Variants in EFCAB5 observed in about 807,000 individuals in gnomAD.
EFCAB5 encodes the protein EF-hand calcium-binding domain-containing protein 5.
A neutral mutation model predicts 167.9 loss-of-function variants in EFCAB5; 131 were observed. That is an observed-to-expected ratio of 0.78 (90% CI 0.68 to 0.90). The LOEUF is 0.90. Among genes scored for constraint, EFCAB5 ranks in the 40% least tolerant of loss-of-function variants. The probability of loss-of-function intolerance (pLI) is 0.00; values close to 1 mark genes in which losing one functional copy is unlikely to be tolerated. For missense variants in EFCAB5, 1,663 were observed against 1,745.2 expected, an observed-to-expected ratio of 0.95 and a Z score of 0.84; for synonymous variants, 574 against 602.8, an observed-to-expected ratio of 0.95 and a Z score of 0.70.
At chr17:29,941,028 A>G (rs912050161), upstream of EFCAB5, among the ~76,000 whole-genome samples, 3 of 151,834 alleles carry the variant, frequency 2.0e-5, no homozygotes, top group African/African-American at 7.3e-5. Context: ...CGACAGAATG[A>G]GACTCTGTAA....
intron 4 of EFCAB5, among the ~76,000 whole-genome samples, chr17:29,976,052 G>T (rs147093873): frequency 1.3e-5 from 2 of 152,146 alleles, no homozygotes; most frequent in African/African-American, 4.8e-5. Context: ...TTCTTGCAGT[G>T]CAATAAATTA....
chr17:30,069,583 C>G, intron 14 of EFCAB5: 2 of 1,613,334 alleles, frequency 1.2e-6, no homozygotes, highest in Non-Finnish European at 1.7e-6. Context: ...TCCTCTTCTT[C>G]CTCGTGATGT....
At chr17:30,059,416 A>G in intron 13 of EFCAB5, 129 bp from the exon 14 acceptor site, 1 of 1,028,088 alleles carries the variant, frequency 9.7e-7, no homozygotes, top group Non-Finnish European at 1.4e-6. Context: ...TTCCCTTAAT[A>G]TCATGCTTAG....
chr17:30,036,167 A>T (rs1427088130), intron 8 of EFCAB5, among the ~76,000 whole-genome samples: 2 of 138,888 alleles, frequency 1.4e-5, no homozygotes, highest in Non-Finnish European at 3.1e-5. Context: ...TATTATATAT[A>T]ATATAATATA....
At chr17:30,083,138 TTAGTC>T in intron 18 of EFCAB5, 95 bp downstream of exon 18, 1 of 1,421,420 alleles carries the variant, frequency 7.0e-7, no homozygotes, top group Non-Finnish European at 9.4e-7. Flanking sequence ...TAATTAGCTA[TTAGTC>T]TAAAGGAAGA....
chr17:30,051,166 T>G lies in EFCAB5; in HGVS notation c.1249T>G (p.Tyr417Asp). 1.2e-6 allele frequency: 2 copies of G among 1,614,044 alleles called. No individual in the cohort carries two copies. The highest frequency in any genetic ancestry group is 2.2e-5 in the South Asian group (2 of 91,088). The stretch of plus-strand genomic sequence containing the variant: ...GACATTGGCCCTGCTGGAATTGTTC[T>G]ATGACCATAGTTCACAAATGCTTAG... The part of the protein sequence containing the change: ...QRTLALLELF[Y>D]DHSSQMLRSL... The change falls in exon 9 of 23, where the codon TAT (tyrosine) becomes GAT (aspartate). Residue 417 changes from tyrosine (Y) to aspartate (D), a missense_variant. By Grantham distance (160) the Tyr-to-Asp change is radical. Coordinates refer to ENST00000394835, the MANE Select transcript of EFCAB5 (RefSeq NM_198529.4).
chr17:30,049,602 A>T (rs1023626242), intron 8 of EFCAB5, among the ~76,000 whole-genome samples: 1 of 152,240 alleles, frequency 6.6e-6, no homozygotes, highest in African/African-American at 2.4e-5. Context: ...ACCCATACAT[A>T]TAATAAGCAC....
intron 7 of EFCAB5, chr17:30,032,042 A>C (rs1461795233): frequency 2.6e-5 from 4 of 152,190 alleles, no homozygotes; most frequent in Non-Finnish European, 4.4e-5. Context: ...GTCTCTAAAA[A>C]AATAAAAATA....
At chr17:29,986,130 G>A (rs2068277216) in intron 4 of EFCAB5, among the ~76,000 whole-genome samples, 1 of 152,174 alleles carries the variant, frequency 6.6e-6, no homozygotes, top group African/African-American at 2.4e-5. Flanking sequence ...TGGCATTAAG[G>A]TCAGGTGTGT....
chr17:29,929,979 G>T (rs2151499325), intron 1 of EFCAB5: 1 of 1,603,482 alleles, frequency 6.2e-7, no homozygotes, highest in South Asian at 1.1e-5. Flanking sequence ...GTAGGTGACC[G>T]CTGGACCGTG....
At chr17:30,067,095 A>T (rs1341798150) in intron 14 of EFCAB5, among the ~76,000 whole-genome samples, 1 of 152,226 alleles carries the variant, frequency 6.6e-6, no homozygotes, top group African/African-American at 2.4e-5. Context: ...AGATTATCTG[A>T]TATCAGTTCT....
chr17:29,998,150 T>C (rs2068586449), intron 6 of EFCAB5, among the ~76,000 whole-genome samples: 2 of 152,184 alleles, frequency 1.3e-5, no homozygotes, highest in African/African-American at 4.8e-5. Flanking sequence ...ATTTGGGCCT[T>C]ACTGATAACC....
intron 8 of EFCAB5, among the ~76,000 whole-genome samples, chr17:30,040,146 C>T (rs551220285): frequency 1.2e-4 from 18 of 152,318 alleles, no homozygotes; most frequent in African/African-American, 4.3e-4. Context: ...TGCATGGTAG[C>T]TCTTTCTCAA....
At chr17:30,072,978 A>C (rs143509567) in intron 14 of EFCAB5, 52 of 496,720 alleles carry the variant, frequency 1.0e-4, no homozygotes, top group African/African-American at 9.6e-4. Flanking sequence ...TTTGATACTC[A>C]TATTGTCCCA....
At chr17:29,970,595 A>G (rs1260536567) in intron 4 of EFCAB5, among the ~76,000 whole-genome samples, 2 of 149,418 alleles carry the variant, frequency 1.3e-5, no homozygotes, top group African/African-American at 4.9e-5. Context: ...ACACCACTGC[A>G]CTCCAGCCTG....
chr17:30,105,051 G>A (rs748419740), intron 22 of EFCAB5, among the ~76,000 whole-genome samples: 7 of 152,272 alleles, frequency 4.6e-5, no homozygotes, highest in Non-Finnish European at 7.4e-5. Context: ...GAAAAGCTGA[G>A]GGGAGCAGCA....
In EFCAB5 at chr17:30,104,066, C is replaced by T. The variant is rs138766216; in HGVS notation, c.4322-3768C>T. ...CATACCCTTCTATTGCTGCAAGGAC[C>T]TTCAGTTTATTGTGTGTGGCTGTCA... On this transcript the variant is annotated intron_variant, in intron 22 of 22. Transcript: ENST00000394835. 9.4e-4 allele frequency among the ~76,000 whole-genome samples: 143 copies of T among 152,254 alleles called. No homozygotes were observed. In the East Asian group the frequency reaches 0.024, roughly 25 times the overall value.
At chr17:30,102,616 T>C (rs1256215577) in intron 22 of EFCAB5, among the ~76,000 whole-genome samples, 1 of 152,144 alleles carries the variant, frequency 6.6e-6, no homozygotes, top group South Asian at 2.1e-4. Context: ...CGTAGCAAAA[T>C]TGAATGCATG....
intron 4 of EFCAB5, 80 bp downstream of exon 4, chr17:29,969,447 C>A: frequency 8.1e-7 from 1 of 1,233,854 alleles, no homozygotes; most frequent in Non-Finnish European, 1.1e-6. Context: ...TAATCATGGA[C>A]AGGACTTAAA....
Sources: gnomAD v4.1 joint callset for allele counts (sites outside exome capture counted in the v4.1 genomes callset) on GRCh38, gnomAD v4.1.1 for gene constraint, MANE v1.5 for transcripts, NCBI Gene and HGNC (gene_info 2026-07-23, HGNC 2026-07-21) for gene names.